Variants in UGT2B7 observed in about 807,000 individuals in gnomAD.
UGT2B7 encodes UDP-glucuronosyltransferase 2B7.
Under a neutral mutation model 51.9 loss-of-function variants are expected in UGT2B7, and 51 were observed. That is an observed-to-expected ratio of 0.98 (90% CI 0.78 to 1.24). The LOEUF is 1.24. UGT2B7 is among the 50% of genes most tolerant of loss of function. UGT2B7 has a pLI of 0.00. For synonymous variants in UGT2B7, 225 were observed against 211.6 expected, an observed-to-expected ratio of 1.06 and a Z score of -0.55; for missense variants, 727 against 628.4, an observed-to-expected ratio of 1.16 and a Z score of -1.68.
At chr4:69,095,525 G>A (rs1443585853), upstream of UGT2B7, among the ~76,000 whole-genome samples, 1 of 152,268 alleles carries the variant, frequency 6.6e-6, no homozygotes, top group African/African-American at 2.4e-5. Flanking sequence ...TAATGTTTAA[G>A]TTAATATTTA....
At chr4:69,064,065 AAAG>A (rs1718422226) in intron 1 of UGT2B7, among the ~76,000 whole-genome samples, 1 of 109,778 alleles carries the variant, frequency 9.1e-6, no homozygotes, top group South Asian at 2.9e-4. Context: ...AGAAAGAAAG[AAAG>A]AAAGAAAGAA....
chr4:69,058,190 A>C (rs1019220143), intron 1 of UGT2B7, among the ~76,000 whole-genome samples: 2 of 152,188 alleles, frequency 1.3e-5, no homozygotes, highest in African/African-American at 4.8e-5. Flanking sequence ...GCCACAGGAA[A>C]ACCCAGTTTT....
intron 2 of UGT2B7, among the ~76,000 whole-genome samples, chr4:69,091,388 T>C (rs965900820): frequency 6.8e-6 from 1 of 147,954 alleles, no homozygotes; most frequent in African/African-American, 2.5e-5. Flanking sequence ...TTAGAAACTT[T>C]AAAGATTTTG....
chr4:69,060,221 C>A (rs539253743), intron 1 of UGT2B7, among the ~76,000 whole-genome samples: 28 of 152,316 alleles, frequency 1.8e-4, no homozygotes, highest in African/African-American at 5.5e-4. Context: ...TGTCAGGGAA[C>A]AAGTCTCAAA....
chr4:69,079,999 C>CT (rs1048981414), intron 1 of UGT2B7, among the ~76,000 whole-genome samples: 7 of 151,834 alleles, frequency 4.6e-5, no homozygotes, highest in South Asian at 2.1e-4. Flanking sequence ...ACCTTAGCAT[C>CT]TTTTTTTGCA....
chr4:69,052,587 A>AAAGGAAGGGGAGGCAAAACTTACGT (rs1718056713), intron 1 of UGT2B7, among the ~76,000 whole-genome samples: 1 of 151,304 alleles, frequency 6.6e-6, no homozygotes, highest in Non-Finnish European at 1.5e-5. Flanking sequence ...AAAAAAAAAA[A>AAAGGAAGGGGAGGCAAAACTTACGT]AAAAAGAAGG....
chr4:69,082,991 C>T (rs1288710274), intron 1 of UGT2B7, among the ~76,000 whole-genome samples: 1 of 152,004 alleles, frequency 6.6e-6, no homozygotes, highest in Non-Finnish European at 1.5e-5. Context: ...TTCTAGAGTC[C>T]TTGAGAATTA....
At chr4:69,082,751 A>G (rs1718866691) in intron 1 of UGT2B7, among the ~76,000 whole-genome samples, 1 of 152,154 alleles carries the variant, frequency 6.6e-6, no homozygotes, top group Non-Finnish European at 1.5e-5. Context: ...GAAATTATCT[A>G]GACAACCTAG....
intron 1 of UGT2B7, among the ~76,000 whole-genome samples, chr4:69,061,793 G>A (rs1379539033): frequency 1.3e-5 from 2 of 152,122 alleles, no homozygotes; most frequent in Non-Finnish European, 2.9e-5. Context: ...CTCAGCCCCC[G>A]GGAATTCAGG....
At chr4:69,053,058 T>A (rs1312577958) in intron 1 of UGT2B7, among the ~76,000 whole-genome samples, 1 of 152,162 alleles carries the variant, frequency 6.6e-6, no homozygotes, top group Non-Finnish European at 1.5e-5. Context: ...AACAGGTTTT[T>A]TTTCTTAAAG....
At chr4:69,076,257 T>C (rs1210934657) in intron 1 of UGT2B7, among the ~76,000 whole-genome samples, 1 of 152,198 alleles carries the variant, frequency 6.6e-6, no homozygotes, top group African/African-American at 2.4e-5. Flanking sequence ...CATGTGTCTT[T>C]ATAATAGAAT....
rs1348774171 is a variant in UGT2B7, at chr4:69,108,387, G to A, written c.1310+65G>A. ...ATAGCTTCTCTTGTCAATAGTGAGT[G>A]TGAGTTTCATCCTTTTTATAAGAGA... On this transcript the variant is annotated intron_variant, in intron 5 of 5. Coordinates refer to ENST00000305231, the MANE Select transcript of UGT2B7 (RefSeq NM_001074.4). 2.6e-6 allele frequency: 4 copies of A among 1,555,728 alleles called. No individual in the cohort carries two copies. The African/African-American group carries it at 4.1e-5, about 16-fold the overall frequency.
At chr4:69,100,417 G>A (rs1719384795) in intron 2 of UGT2B7, among the ~76,000 whole-genome samples, 1 of 151,960 alleles carries the variant, frequency 6.6e-6, no homozygotes, top group South Asian at 2.1e-4. Flanking sequence ...AGCATTCTTT[G>A]TTACGTTATT....
Position 69,108,134 on chromosome 4 carries a change from T to C in UGT2B7, c.1122T>C (p.His374=), listed in dbSNP as rs745638449. The C allele has an allele frequency of 6.8e-6, 11 of 1,613,526 alleles. No homozygotes were observed. The highest frequency in any genetic ancestry group is 5.0e-5 in the Admixed American group (3 of 59,974). The part of the protein sequence containing the change: ...GHPKTRAFIT[H]GGANGIYEAI... ...CAAAGACCAGAGCTTTTATAACTCA[T>C]GGTGGAGCCAATGGCATCTACGAGG... is the stretch of plus-strand genomic sequence containing the variant. Residue 374 remains histidine (H), a synonymous_variant, in exon 5 of 6, where the codon CAT becomes CAC. Transcript: ENST00000305231.
intron 1 of UGT2B7, among the ~76,000 whole-genome samples, chr4:69,082,584 C>T (rs1165862606): frequency 6.6e-6 from 1 of 151,962 alleles, no homozygotes; most frequent in East Asian, 1.9e-4. Flanking sequence ...GACCCTACCT[C>T]TTTTTAATCT....
chr4:69,093,160 G>A (rs901397652), upstream of UGT2B7, among the ~76,000 whole-genome samples: 1 of 152,154 alleles, frequency 6.6e-6, no homozygotes, highest in East Asian at 1.9e-4. Flanking sequence ...GAAATGACTG[G>A]AGTCCCCTGT....
At chr4:69,078,801 G>A (rs1018324338) in intron 1 of UGT2B7, among the ~76,000 whole-genome samples, 38 of 152,102 alleles carry the variant, frequency 2.5e-4, no homozygotes, top group Non-Finnish European at 4.4e-5. Context: ...ATGGAAGGTG[G>A]GGACAAGTGA....
intron 1 of UGT2B7, among the ~76,000 whole-genome samples, chr4:69,064,086 A>AAGAGAGAGAG (rs1560499729): frequency 7.8e-5 from 8 of 102,472 alleles, no homozygotes; most frequent in Non-Finnish European, 9.4e-5. Context: ...GAAAGAAAGA[A>AAGAGAGAGAG]AGAAAGAAAG....
At chr4:69,073,051 T>A (rs1439483382) in intron 1 of UGT2B7, among the ~76,000 whole-genome samples, 1 of 152,114 alleles carries the variant, frequency 6.6e-6, no homozygotes, top group African/African-American at 2.4e-5. Flanking sequence ...GGTGGTCACT[T>A]CCCTAATGTC....
Sources: gnomAD v4.1 joint callset for allele counts (sites outside exome capture counted in the v4.1 genomes callset) on GRCh38, gnomAD v4.1.1 for gene constraint, MANE v1.5 for transcripts, NCBI Gene and HGNC (gene_info 2026-07-23, HGNC 2026-07-21) for gene names.